SMURF2: variants seen among roughly 807,000 people sequenced by gnomAD.
SMURF2 encodes E3 ubiquitin-protein ligase SMURF2.
Under a neutral mutation model 109.6 loss-of-function variants are expected in SMURF2, and 48 were observed. That is an observed-to-expected ratio of 0.44 (90% CI 0.35 to 0.56). SMURF2 has a LOEUF of 0.56. Ranked by LOEUF, SMURF2 falls within the 20% of genes least tolerant of loss-of-function variation. The pLI, the probability that SMURF2 is intolerant of heterozygous loss-of-function variation, is 0.01. For missense variants in SMURF2, 575 were observed against 909.0 expected, an observed-to-expected ratio of 0.63 and a Z score of 4.72; for synonymous variants, 288 against 317.1, an observed-to-expected ratio of 0.91 and a Z score of 0.97.
chr17:64,601,009 G>A (rs546091282), intron 2 of SMURF2, among the ~76,000 whole-genome samples: 2 of 152,178 alleles, frequency 1.3e-5, no homozygotes, highest in South Asian at 4.2e-4. Context: ...AGCACTTTGG[G>A]AGGCTGAGGC....
At chr17:64,617,658 A>G (rs1970144151) in intron 1 of SMURF2, among the ~76,000 whole-genome samples, 1 of 151,922 alleles carries the variant, frequency 6.6e-6, no homozygotes, top group Non-Finnish European at 1.5e-5. Flanking sequence ...GCTAATGTCT[A>G]AAATTTTTTT....
At chr17:64,591,203 C>A in intron 4 of SMURF2, 54 bp from the exon 5 acceptor site, 1 of 1,263,864 alleles carries the variant, frequency 7.9e-7, no homozygotes, top group Non-Finnish European at 1.2e-6. Context: ...ATCAGAGATT[C>A]TAACATCTAT....
In SMURF2 at chr17:64,546,176, G is replaced by T. The variant is rs1968951617; in HGVS notation, c.2147+87C>A. The T allele has an allele frequency of 2.3e-6, 3 of 1,287,046 alleles. No homozygotes were observed. The South Asian group carries it at 3.7e-5, about 16-fold the overall frequency. The allele number at this position is 1,287,046 out of a possible 1,614,324, so 79.7% of individuals were successfully genotyped here. The stretch of plus-strand genomic sequence containing the variant: ...CCCTTTAAAGGCCCATTTAACACTA[G>T]TAAGTACAATAAATAAAAAGTCAAA... On this transcript the variant is annotated intron_variant, in intron 18 of 18. Coordinates refer to ENST00000262435, the MANE Select transcript of SMURF2 (RefSeq NM_022739.4).
chr17:64,550,757 C>CA (rs146307567), intron 16 of SMURF2, among the ~76,000 whole-genome samples: 1,843 of 69,316 alleles, frequency 0.027, 21 homozygotes, highest in Non-Finnish European at 0.041. Flanking sequence ...ACTCTGTCTC[C>CA]AAAAAAAAAA....
At chr17:64,559,579 G>A (rs1555684335) in intron 12 of SMURF2, among the ~76,000 whole-genome samples, 1 of 151,290 alleles carries the variant, frequency 6.6e-6, no homozygotes, top group African/African-American at 2.4e-5. Flanking sequence ...GCGACAGAGT[G>A]AGATTCCATC....
chr17:64,576,719 A>G (rs1969496398), intron 9 of SMURF2, among the ~76,000 whole-genome samples: 1 of 152,146 alleles, frequency 6.6e-6, no homozygotes, highest in African/African-American at 2.4e-5. Context: ...GAATTTTATT[A>G]AGGAACACAT....
chr17:64,586,854 T>C (rs1226852580), intron 5 of SMURF2, among the ~76,000 whole-genome samples: 1 of 151,344 alleles, frequency 6.6e-6, no homozygotes, highest in Admixed American at 6.6e-5. Context: ...CTTTAATACT[T>C]GATCATCTGA....
At chr17:64,596,113 T>G (rs1231885972) in intron 3 of SMURF2, among the ~76,000 whole-genome samples, 3 of 152,020 alleles carry the variant, frequency 2.0e-5, no homozygotes, top group Admixed American at 1.3e-4. Flanking sequence ...TATATACATA[T>G]ATGTGTAAGT....
chr17:64,549,938 C>T (rs1969017693), intron 16 of SMURF2, among the ~76,000 whole-genome samples: 1 of 152,130 alleles, frequency 6.6e-6, no homozygotes, highest in Non-Finnish European at 1.5e-5. Context: ...CCACACTGAA[C>T]AGGGAGGAGG....
chr17:64,575,823 A>G (rs1469043089), intron 9 of SMURF2, among the ~76,000 whole-genome samples: 3 of 152,048 alleles, frequency 2.0e-5, no homozygotes, highest in Non-Finnish European at 4.4e-5. Context: ...GCAACATACA[A>G]AGTTGATTTA....
intron 3 of SMURF2, among the ~76,000 whole-genome samples, chr17:64,597,731 C>G (rs1225587506): frequency 2.7e-5 from 4 of 150,864 alleles, no homozygotes; most frequent in East Asian, 1.9e-4. Context: ...CGAGATGGTG[C>G]CACTGCACTC....
chr17:64,644,430 G>GAA (rs113026393), intron 1 of SMURF2, among the ~76,000 whole-genome samples: 14 of 114,812 alleles, frequency 1.2e-4, no homozygotes, highest in East Asian at 5.5e-4. Context: ...ACTAAAAATA[G>GAA]AAAAAAAAAA....
At chr17:64,597,579 C>A (rs1367367837) in intron 3 of SMURF2, among the ~76,000 whole-genome samples, 2 of 151,908 alleles carry the variant, frequency 1.3e-5, no homozygotes, top group East Asian at 3.9e-4. Context: ...TCGAGACCAG[C>A]CTGGCCAACA....
At chr17:64,592,968 C>T (rs1969770493) in intron 4 of SMURF2, 1 of 152,056 alleles carries the variant, frequency 6.6e-6, no homozygotes, top group African/African-American at 2.4e-5. Flanking sequence ...CCATTCTTAC[C>T]CCTTCGTAAT....
chr17:64,588,091 C>CAA (rs375759315), intron 5 of SMURF2, among the ~76,000 whole-genome samples: 12 of 68,866 alleles, frequency 1.7e-4, no homozygotes, highest in East Asian at 4.5e-4. Context: ...GTTTATGGTC[C>CAA]AAAAAAAAAA....
chr17:64,566,561 G>GGTTTTT (rs1969305621), intron 10 of SMURF2, among the ~76,000 whole-genome samples: 1 of 43,784 alleles, frequency 2.3e-5, no homozygotes, highest in African/African-American at 7.5e-5. Context: ...AAGCTTTCTG[G>GGTTTTT]TTTTTTTTTT....
intron 1 of SMURF2, among the ~76,000 whole-genome samples, chr17:64,624,875 A>G (rs919826107): frequency 9.9e-5 from 15 of 152,140 alleles, no homozygotes; most frequent in African/African-American, 3.1e-4. Flanking sequence ...CCTCAATAAA[A>G]TATCATTTAT....
intron 14 of SMURF2, 75 bp downstream of exon 14, chr17:64,555,745 G>A: frequency 9.9e-7 from 1 of 1,010,520 alleles, no homozygotes; most frequent in Non-Finnish European, 1.4e-6. Context: ...ATTTTTTTAA[G>A]TACATCAGTT....
In SMURF2 at chr17:64,547,395, T is replaced by C. The variant is rs1480974858; in HGVS notation, c.2071+205A>G. 2.0e-5 allele frequency among the ~76,000 whole-genome samples: 3 copies of C among 151,996 alleles called. No individual in the cohort carries two copies. Among genetic ancestry groups the C allele is most frequent in the African/African-American group, 7.3e-5 (3 of 41,340 alleles). ...ACGGTCTCTAGCATGCGGCACTCAC[T>C]ACAATCAGAGAAGCCCGCAGAAAAG... is the stretch of plus-strand genomic sequence containing the variant. On this transcript the variant is annotated intron_variant, in intron 17 of 18. Coordinates refer to ENST00000262435, the MANE Select transcript of SMURF2 (RefSeq NM_022739.4). The surrounding 1 kb of genome is among the most constrained non-coding windows in gnomAD (Gnocchi z 4.2).
Sources: gnomAD v4.1 joint callset for allele counts (sites outside exome capture counted in the v4.1 genomes callset) on GRCh38, gnomAD v4.1.1 for gene constraint, Gnocchi (gnomAD v3.1) non-coding constraint, MANE v1.5 for transcripts, NCBI Gene and HGNC (gene_info 2026-07-23, HGNC 2026-07-21) for gene names.